Variants in SSTR5 observed in about 807,000 individuals in gnomAD.
SSTR5 encodes the protein somatostatin receptor 5.
SSTR5 carries 1 observed loss-of-function variant against 0.3 expected under a neutral mutation model. The observed-to-expected ratio is 2.98, with a 90% CI of 1.06 to 14.15. The LOEUF is 14.15. SSTR5 is among the 30% of genes most tolerant of loss of function. SSTR5 has a pLI of 0.12. For missense variants in SSTR5, 516 were observed against 543.2 expected (o/e 0.95, Z 0.50); for synonymous variants, 256 against 263.1 (o/e 0.97, Z 0.26).
rs372162845 is a variant in SSTR5, at chr16:1,079,448, G to A, written c.580G>A (p.Val194Met). ...GTCNASWPEP[V>M]GLWGAVFIIY... ...CTGCAACGCCAGCTGGCCGGAGCCC[G>A]TGGGGCTGTGGGGCGCCGTCTTCAT... is the stretch of plus-strand genomic sequence containing the variant. Residue 194 changes from valine (V) to methionine (M), a missense_variant, in exon 2 of 2, where the codon GTG becomes ATG. Transcript: ENST00000689027. 39 of 1,606,012 alleles carry A rather than the reference G, an allele frequency of 2.4e-5. No individual in the cohort carries two copies. The highest frequency in any genetic ancestry group is 1.0e-4 in the South Asian group (9 of 90,328).
chr16:1,079,220 C>T lies in SSTR5; in HGVS notation c.352C>T (p.Leu118=), dbSNP rs1960290977. ...CGTCCTGTGCCGCCTGGTCATGACG[C>T]TGGACGGCGTCAACCAGTTCACCAG... The part of the protein sequence containing the change: ...GPVLCRLVMT[L]DGVNQFTSVF... The change falls in exon 2 of 2, where the codon CTG becomes TTG. Residue 118 remains leucine (L), a synonymous_variant. Coordinates refer to ENST00000689027, the MANE Select transcript of SSTR5 (RefSeq NM_001172560.3). The T allele has an allele frequency of 6.2e-7, 1 of 1,612,538 alleles. No individual in the cohort carries two copies. The highest frequency in any genetic ancestry group is 8.5e-7 in the Non-Finnish European group (1 of 1,179,916).
At position 1,081,106 on chromosome 16, in the gene SSTR5, C is replaced by T. The variant is rs1960368941; in HGVS notation, c.*1143C>T. ...ATTGTCCTACCTCCCCCACCCCAAA[C>T]ACCAGCTTTTCCTGGCGCCCCAGGC... is the stretch of plus-strand genomic sequence containing the variant. On this transcript the variant is annotated 3_prime_UTR_variant, in exon 2 of 2. Coordinates refer to ENST00000689027, the MANE Select transcript of SSTR5 (RefSeq NM_001172560.3). The T allele has an allele frequency of 6.4e-6, 3 of 470,364 alleles. No homozygotes were observed. In the Admixed American group the frequency reaches 7.1e-5, roughly 11 times the overall value. The allele number at this position is 470,364 out of a possible 1,614,324, so 29.1% of individuals were successfully genotyped here.
Position 1,078,907 on chromosome 16 carries a change from C to G in SSTR5, c.39C>G (p.Asn13Lys). 3 of 1,605,614 alleles carry G rather than the reference C, an allele frequency of 1.9e-6. No individual in the cohort carries two copies. Among genetic ancestry groups the G allele is most frequent in the Non-Finnish European group, 2.5e-6 (3 of 1,178,572 alleles). ...PLFPASTPSW[N>K]ASSPGAASGG... Reference sequence around the variant, plus strand: ...TCCCAGCCTCCACGCCCAGCTGGAACGCCTCCTCCCCGGGGGCTGCCTCTG... The same window carrying G: ...TCCCAGCCTCCACGCCCAGCTGGAAGGCCTCCTCCCCGGGGGCTGCCTCTG... The change falls in exon 2 of 2, where the codon AAC becomes AAG. Residue 13 changes from asparagine (N) to lysine (K), a missense_variant. Coordinates refer to ENST00000689027, the MANE Select transcript of SSTR5 (RefSeq NM_001172560.3).
chr16:1,080,163 A>G lies in SSTR5; in HGVS notation c.*200A>G, dbSNP rs1259458820. 3.5e-5 allele frequency: 25 copies of G among 713,146 alleles called. No individual in the cohort carries two copies. Among genetic ancestry groups the G allele is most frequent in the Non-Finnish European group, 4.9e-5 (22 of 448,522 alleles). The allele number at this position is 713,146 out of a possible 1,614,324, so 44.2% of individuals were successfully genotyped here. ...ACCATCCCCTCTAACCGTCTGCCAC[A>G]CAGCGGGGGCTCCCGGGAGGTAGGG... On this transcript the variant is annotated 3_prime_UTR_variant, in exon 2 of 2. Coordinates refer to ENST00000689027, the MANE Select transcript of SSTR5 (RefSeq NM_001172560.3).
intron 1 of SSTR5, among the ~76,000 whole-genome samples, chr16:1,077,019 T>C (rs1212496693): frequency 6.6e-6 from 1 of 152,208 alleles, no homozygotes; most frequent in African/African-American, 2.4e-5. Flanking sequence ...TCTAGGTTTG[T>C]TGGGGACAGA....
intron 1 of SSTR5, chr16:1,077,906 G>A (rs553033098): frequency 1.3e-5 from 2 of 152,362 alleles, no homozygotes; most frequent in African/African-American, 4.8e-5. Flanking sequence ...GCCACAGTGG[G>A]GGGTTCCAGG....
Position 1,080,575 on chromosome 16 carries a change from C to G in SSTR5, c.*612C>G, listed in dbSNP as rs1308565404. Among the ~76,000 whole-genome samples the G allele has an allele frequency of 6.6e-6, 1 of 152,180 alleles. No individual in the cohort carries two copies. The highest frequency in any genetic ancestry group is 1.5e-5 in the Non-Finnish European group (1 of 68,020). ...CCAGGGTCACGCCTGTCCTGGGGGC[C>G]CCACCCTGCTGCCCGACACCCCCCA... is the stretch of plus-strand genomic sequence containing the variant. On this transcript the variant is annotated 3_prime_UTR_variant, in exon 2 of 2. Coordinates refer to ENST00000689027, the MANE Select transcript of SSTR5 (RefSeq NM_001172560.3).
chr16:1,079,981 G>A lies in SSTR5; in HGVS notation c.*18G>A. 1.3e-6 allele frequency: 2 copies of A among 1,576,940 alleles called. No individual in the cohort carries two copies. The highest frequency in any genetic ancestry group is 1.7e-6 in the Non-Finnish European group (2 of 1,163,314). On this transcript the variant is annotated 3_prime_UTR_variant, in exon 2 of 2. Coordinates refer to ENST00000689027, the MANE Select transcript of SSTR5 (RefSeq NM_001172560.3). ...AGCTGTGAGAGTGCAGGCGGGGGGT[G>A]GGCGGCCCCGTGTCACCCCCAGGAG...
Position 1,080,119 on chromosome 16 carries a change from A to G in SSTR5, c.*156A>G. ...CAGGCTGGGGTAGACACAGGGCAGT[A>G]GGTTCCCCACCGTGACCGACCATCC... On this transcript the variant is annotated 3_prime_UTR_variant, in exon 2 of 2. Transcript: ENST00000689027. 6.8e-6 allele frequency: 7 copies of G among 1,033,386 alleles called. No individual in the cohort carries two copies. The highest frequency in any genetic ancestry group is 8.3e-6 in the Non-Finnish European group (6 of 722,682). 64.0% of individuals were successfully genotyped at this position (1,033,386 alleles called of 1,614,324 possible). A position where few individuals can be genotyped will look rare whatever the true frequency, so the allele number is the denominator to read the frequency against.
intron 1 of SSTR5, among the ~76,000 whole-genome samples, chr16:1,074,433 G>A (rs1360913542): frequency 6.6e-6 from 1 of 152,210 alleles, no homozygotes; most frequent in African/African-American, 2.4e-5. Flanking sequence ...CTCGTGCTGG[G>A]TTAGCCTGGA....
At chr16:1,074,058 G>A (rs938780435) in intron 1 of SSTR5, among the ~76,000 whole-genome samples, 3 of 152,212 alleles carry the variant, frequency 2.0e-5, no homozygotes, top group South Asian at 2.1e-4. Context: ...GACAGGTGGC[G>A]TGTATGTGGG....
chr16:1,080,938 A>G lies in SSTR5; in HGVS notation c.*975A>G. ...CAGGGGCTCTGGCCCGGGAGAGGGA[A>G]CGGGGACAGGAGCAGAGGACGGTCA... On this transcript the variant is annotated 3_prime_UTR_variant, in exon 2 of 2. Transcript: ENST00000689027. The G allele has an allele frequency of 2.4e-6, 1 of 424,144 alleles. No homozygotes were observed. The highest frequency in any genetic ancestry group is 5.0e-6 in the Non-Finnish European group (1 of 200,880). The allele number at this position is 424,144 out of a possible 1,614,324, so 26.3% of individuals were successfully genotyped here.
chr16:1,080,151 A>C lies in SSTR5; in HGVS notation c.*188A>C. The C allele has an allele frequency of 1.2e-5, 9 of 755,580 alleles. No individual in the cohort carries two copies. The highest frequency in any genetic ancestry group is 1.9e-5 in the Non-Finnish European group (9 of 481,176). 46.8% of individuals were successfully genotyped at this position (755,580 alleles called of 1,614,324 possible). On this transcript the variant is annotated 3_prime_UTR_variant, in exon 2 of 2. Transcript: ENST00000689027. Reference sequence around the variant, plus strand: ...CCACCGTGACCGACCATCCCCTCTAACCGTCTGCCACACAGCGGGGGCTCC... The same window carrying C: ...CCACCGTGACCGACCATCCCCTCTACCCGTCTGCCACACAGCGGGGGCTCC...
At chr16:1,075,255 G>A (rs1209387606) in intron 1 of SSTR5, among the ~76,000 whole-genome samples, 3 of 152,206 alleles carry the variant, frequency 2.0e-5, no homozygotes, top group Non-Finnish European at 4.4e-5. Flanking sequence ...ACTGGGGGCC[G>A]CAGAGCCGGG....
intron 1 of SSTR5, among the ~76,000 whole-genome samples, chr16:1,073,842 A>C (rs73494011): frequency 1.3e-5 from 2 of 152,340 alleles, no homozygotes; most frequent in Admixed American, 6.5e-5. Context: ...GAAACTGGTC[A>C]ACAGCACCAA....
intron 1 of SSTR5, among the ~76,000 whole-genome samples, 26 bp downstream of exon 1, chr16:1,072,848 C>T (rs1052784833): frequency 1.3e-5 from 2 of 151,852 alleles, no homozygotes; most frequent in Non-Finnish European, 2.9e-5. Context: ...CCCTGTCCCC[C>T]TCCCGCGCGG....
chr16:1,078,984 G>C lies in SSTR5; in HGVS notation c.116G>C (p.Arg39Pro), dbSNP rs139383107. The C allele has an allele frequency of 6.3e-7, 1 of 1,589,536 alleles. No individual in the cohort carries two copies. Among genetic ancestry groups the C allele is most frequent in the Non-Finnish European group, 8.5e-7 (1 of 1,170,338 alleles). Residue 39 changes from arginine (R) to proline (P), a missense_variant, in exon 2 of 2, where the codon CGG becomes CCG. Coordinates refer to ENST00000689027, the MANE Select transcript of SSTR5 (RefSeq NM_001172560.3). Reference protein sequence around the residue: ...LVGPAPSAGARAVLVPVLYLL... With the variant: ...LVGPAPSAGAPAVLVPVLYLL... ...GGGCCGGCGCCCTCGGCAGGGGCCC[G>C]GGCGGTGCTGGTGCCCGTGCTGTAC... is the stretch of plus-strand genomic sequence containing the variant.
At position 1,080,021 on chromosome 16, in the gene SSTR5, C is replaced by T. The variant is rs923418964; in HGVS notation, c.*58C>T. 24 of 1,508,904 alleles carry T rather than the reference C, an allele frequency of 1.6e-5. No individual in the cohort carries two copies. Among genetic ancestry groups the T allele is most frequent in the Middle Eastern group, 2.4e-4 (1 of 4,162 alleles). The allele number at this position is 1,508,904 out of a possible 1,614,324, so 93.5% of individuals were successfully genotyped here. A position where few individuals can be genotyped will look rare whatever the true frequency, so the allele number is the denominator to read the frequency against. On this transcript the variant is annotated 3_prime_UTR_variant, in exon 2 of 2. Coordinates refer to ENST00000689027, the MANE Select transcript of SSTR5 (RefSeq NM_001172560.3). Reference sequence around the variant, plus strand: ...ACCCCCAGGAGCGGAGGTTGCACTGCGGTGACCCCCACCCATGACCTGCCA... The same window carrying T: ...ACCCCCAGGAGCGGAGGTTGCACTGTGGTGACCCCCACCCATGACCTGCCA...
chr16:1,074,251 C>T lies in SSTR5; in HGVS notation c.-28+1429C>T, dbSNP rs117811138. Among the ~76,000 whole-genome samples the T allele has an allele frequency of 1.6e-4, 25 of 152,342 alleles. 1 individual carries two copies. The East Asian group carries it at 4.2e-3, about 26-fold the overall frequency. ...TAGTCTTAGCTAGGGTGTCCCCCGA[C>T]GTTTGCCCCTGCCCAGCACACAATG... On this transcript the variant is annotated intron_variant, in intron 1 of 1. Coordinates refer to ENST00000689027, the MANE Select transcript of SSTR5 (RefSeq NM_001172560.3).
Sources: gnomAD v4.1 joint callset for allele counts (sites outside exome capture counted in the v4.1 genomes callset) on GRCh38, gnomAD v4.1.1 for gene constraint, MANE v1.5 for transcripts, NCBI Gene and HGNC (gene_info 2026-07-23, HGNC 2026-07-21) for gene names.